The following ASAP1 variants were observed in gnomAD, a reference collection of about 807,000 sequenced individuals.
ASAP1 encodes the protein ArfGAP with SH3 domain, ankyrin repeat and PH domain 1.
ASAP1 carries 43 observed loss-of-function variants against 145.2 expected under a neutral mutation model. That is an observed-to-expected ratio of 0.30 (90% confidence interval 0.23 to 0.38). The LOEUF is 0.38. Ranked by LOEUF, ASAP1 falls within the 10% of genes least tolerant of loss-of-function variation. The pLI, the probability that ASAP1 is intolerant of heterozygous loss-of-function variation, is 1.00. For synonymous variants in ASAP1, 546 were observed against 515.5 expected, an observed-to-expected ratio of 1.06 and a Z score of -0.80; for missense variants, 1,018 against 1,355.3, an observed-to-expected ratio of 0.75 and a Z score of 3.91.
At chr8:130,223,174 G>A (rs1817395056) in intron 4 of ASAP1, among the ~76,000 whole-genome samples, 1 of 152,182 alleles carries the variant, frequency 6.6e-6, no homozygotes, top group Non-Finnish European at 1.5e-5. Flanking sequence ...ATAAGGCCTT[G>A]AGAACACTCT....
rs140674458 is a variant in ASAP1 at position 130,060,609 on chromosome 8, C to T, written c.3162G>A (p.Thr1054=). The change falls in exon 28 of 30, where the codon ACG becomes ACA. Residue 1054 remains threonine (T), a synonymous_variant. Transcript: ENST00000518721. Reference sequence around the variant, plus strand: ...TGATTTTTCTGGGCAGTGGTACGGGCGTCTCTGGCAGAGTAGGCGTGAGGT... The same window carrying T: ...TGATTTTTCTGGGCAGTGGTACGGGTGTCTCTGGCAGAGTAGGCGTGAGGT... ...SNDLTPTLPE[T]PVPLPRKINT... The T allele has an allele frequency of 2.4e-3, 3,949 of 1,613,584 alleles. 11 individuals carry two copies. The highest frequency in any genetic ancestry group is 2.8e-3 in the South Asian group (257 of 90,978).
intron 12 of ASAP1, 43 bp from the exon 13 acceptor site, chr8:130,152,848 A>T: frequency 7.0e-7 from 1 of 1,420,674 alleles, no homozygotes; most frequent in Non-Finnish European, 9.8e-7. Flanking sequence ...TAACTGATTC[A>T]CTCTGGGACA....
chr8:130,246,808 T>C (rs1248092943), intron 3 of ASAP1, among the ~76,000 whole-genome samples: 1 of 152,194 alleles, frequency 6.6e-6, no homozygotes, highest in Non-Finnish European at 1.5e-5. Flanking sequence ...AGGGCTAAGC[T>C]AAGTTTTGCT....
chr8:130,091,867 G>A (rs778533940), intron 25 of ASAP1, 106 bp downstream of exon 25: 18 of 1,229,858 alleles, frequency 1.5e-5, no homozygotes, highest in African/African-American at 3.2e-5. Context: ...CAGCATGTGT[G>A]TGCATTTTGG....
rs540821227 is a variant in ASAP1, at chr8:130,203,195, T to C, written c.405+11361A>G. ...TTCCATGAAAAGTCAATGTTTCTTA[T>C]ACAACAACAAAGTCCATGCTCAAAT... On this transcript the variant is annotated intron_variant, in intron 5 of 29. Coordinates refer to ENST00000518721, the MANE Select transcript of ASAP1 (RefSeq NM_018482.4). Among the ~76,000 whole-genome samples the C allele has an allele frequency of 1.4e-4, 21 of 152,226 alleles. No homozygotes were observed. The South Asian group carries it at 4.3e-3, about 31-fold the overall frequency.
At chr8:130,399,613 C>G (rs967069178) in intron 2 of ASAP1, among the ~76,000 whole-genome samples, 2 of 152,066 alleles carry the variant, frequency 1.3e-5, no homozygotes, top group East Asian at 3.9e-4. Flanking sequence ...CTTCATCCAC[C>G]CATTCAGGAC....
chr8:130,411,354 T>A (rs1276768838), intron 1 of ASAP1, among the ~76,000 whole-genome samples: 2 of 152,254 alleles, frequency 1.3e-5, no homozygotes, highest in Non-Finnish European at 2.9e-5. Context: ...CTTCTAGCTG[T>A]GGCCTTCAGA....
chr8:130,265,725 A>G lies in ASAP1; in HGVS notation c.187-28731T>C, dbSNP rs1047755469. Among the ~76,000 whole-genome samples the G allele has an allele frequency of 2.6e-5, 4 of 152,118 alleles. 1 individual carries two copies. The highest frequency in any genetic ancestry group is 9.7e-5 in the African/African-American group (4 of 41,420). On this transcript the variant is annotated intron_variant, in intron 3 of 29. Transcript: ENST00000518721. ...GGCAAAACCCTGTCTCGCTAAACAA[A>G]AAGTAGCCAGGTGAGGTGGCACAAG... is the stretch of plus-strand genomic sequence containing the variant.
At chr8:130,134,250 G>A (rs377509961) in intron 15 of ASAP1, 46 bp downstream of exon 15, 4 of 1,420,992 alleles carry the variant, frequency 2.8e-6, no homozygotes, top group Non-Finnish European at 3.8e-6. Flanking sequence ...ACAGAGAGGT[G>A]CTTTTTCAAT....
chr8:130,089,805 A>G (rs1440990509), intron 25 of ASAP1, among the ~76,000 whole-genome samples: 1 of 152,252 alleles, frequency 6.6e-6, no homozygotes, highest in African/African-American at 2.4e-5. Context: ...ACATGCATGT[A>G]CACCAACATA....
chr8:130,168,274 T>G (rs1470753207), intron 10 of ASAP1, among the ~76,000 whole-genome samples: 1 of 152,182 alleles, frequency 6.6e-6, no homozygotes, highest in Non-Finnish European at 1.5e-5. Context: ...CCATTTCTAA[T>G]ATATACATTT....
At chr8:130,221,894 A>G (rs1168840988) in intron 4 of ASAP1, among the ~76,000 whole-genome samples, 4 of 152,200 alleles carry the variant, frequency 2.6e-5, no homozygotes, top group African/African-American at 9.6e-5. Flanking sequence ...TTATAATGGC[A>G]TTTACCTCAC....
chr8:130,065,107 G>A (rs1195766494), intron 27 of ASAP1, among the ~76,000 whole-genome samples: 1 of 151,920 alleles, frequency 6.6e-6, no homozygotes, highest in Non-Finnish European at 1.5e-5. Context: ...CTCCACTCCT[G>A]GGCTCAAGTG....
chr8:130,381,958 C>T (rs975920917), intron 2 of ASAP1, among the ~76,000 whole-genome samples: 2 of 152,078 alleles, frequency 1.3e-5, no homozygotes, highest in African/African-American at 4.8e-5. Flanking sequence ...TCCCTTTACC[C>T]GTGTTTATTT....
Position 130,265,573 on chromosome 8 carries a change from T to TAAA in ASAP1, c.187-28582_187-28580dup, listed in dbSNP as rs79247144. 1.0e-2 allele frequency among the ~76,000 whole-genome samples: 1,191 copies of TAAA among 119,472 alleles called. 9 individuals carry two copies. Among genetic ancestry groups the TAAA allele is most frequent in the Middle Eastern group, 0.062 (13 of 208 alleles). 78.4% of individuals were successfully genotyped at this position (119,472 alleles called of 152,430 possible). Reference sequence around the variant, plus strand: ...GGGTAACAGAGTGAAACCCTGTCTTTAAAAAAAAAAAAAAAAAAAGGTCAG... The same window carrying TAAA: ...GGGTAACAGAGTGAAACCCTGTCTTTAAAAAAAAAAAAAAAAAAAAAAGGTCAG... On this transcript the variant is annotated intron_variant, in intron 3 of 29. Transcript: ENST00000518721.
At chr8:130,200,370 T>C (rs1815789812) in intron 5 of ASAP1, among the ~76,000 whole-genome samples, 1 of 152,166 alleles carries the variant, frequency 6.6e-6, no homozygotes, top group Non-Finnish European at 1.5e-5. Flanking sequence ...CCAGGGGTAA[T>C]GGGGGAGAGG....
intron 27 of ASAP1, among the ~76,000 whole-genome samples, chr8:130,064,435 C>T (rs377719005): frequency 1.6e-4 from 24 of 152,232 alleles, no homozygotes; most frequent in Admixed American, 5.9e-4. Context: ...CTTTAACAGA[C>T]GGGGACACTG....
At chr8:130,373,641 G>A (rs1009673015) in intron 2 of ASAP1, among the ~76,000 whole-genome samples, 2 of 152,072 alleles carry the variant, frequency 1.3e-5, no homozygotes, top group Non-Finnish European at 2.9e-5. Context: ...CTGAGTTTGG[G>A]AGTTTGAGAC....
chr8:130,134,222 T>C (rs1168121985), intron 15 of ASAP1, 74 bp downstream of exon 15: 1 of 1,175,858 alleles, frequency 8.5e-7, no homozygotes, highest in African/African-American at 1.6e-5. Context: ...GAAAAGAAAA[T>C]GTTGATGTGT....
Sources: gnomAD v4.1 joint callset for allele counts (sites outside exome capture counted in the v4.1 genomes callset) on GRCh38, gnomAD v4.1.1 for gene constraint, MANE v1.5 for transcripts, NCBI Gene and HGNC (gene_info 2026-07-23, HGNC 2026-07-21) for gene names.